The following NCKAP5 variants were observed in gnomAD, a reference collection of about 807,000 sequenced individuals.
NCKAP5 encodes the protein nck-associated protein 5.
NCKAP5 carries 92 observed loss-of-function variants against 167.0 expected under a neutral mutation model. The ratio of observed to expected loss-of-function variants is 0.55; its 90% CI spans 0.47 to 0.66. The LOEUF is 0.66. Ranked by LOEUF, NCKAP5 falls within the 30% of genes least tolerant of loss-of-function variation. NCKAP5 has a pLI of 0.00. For synonymous variants in NCKAP5, 891 were observed against 877.4 expected, an observed-to-expected ratio of 1.02 and a Z score of -0.27; for missense variants, 2,378 against 2,315.0, an observed-to-expected ratio of 1.03 and a Z score of -0.56.
chr2:132,989,426 A>T (rs1200888141), intron 7 of NCKAP5, among the ~76,000 whole-genome samples: 1 of 152,242 alleles, frequency 6.6e-6, no homozygotes, highest in Non-Finnish European at 1.5e-5. Context: ...TGAGCTGGAA[A>T]GACAAAGCAG....
chr2:133,049,005 C>T (rs1267229334), intron 6 of NCKAP5, among the ~76,000 whole-genome samples: 1 of 152,158 alleles, frequency 6.6e-6, no homozygotes, highest in Non-Finnish European at 1.5e-5. Flanking sequence ...ACACTACGAT[C>T]AACCAGAACT....
At chr2:133,361,360 C>T (rs554114614) in intron 3 of NCKAP5, among the ~76,000 whole-genome samples, 1 of 152,160 alleles carries the variant, frequency 6.6e-6, no homozygotes, top group East Asian at 1.9e-4. Context: ...ATTCCTTAAG[C>T]AGAGCTGCAA....
intron 5 of NCKAP5, among the ~76,000 whole-genome samples, chr2:133,199,069 C>T (rs1157302095): frequency 6.6e-6 from 1 of 151,882 alleles, no homozygotes; most frequent in Non-Finnish European, 1.5e-5. Flanking sequence ...AAAAATACAA[C>T]TTAACCCCTA....
At chr2:133,108,600 C>T (rs939327727) in intron 6 of NCKAP5, among the ~76,000 whole-genome samples, 1 of 152,164 alleles carries the variant, frequency 6.6e-6, no homozygotes, top group African/African-American at 2.4e-5. Flanking sequence ...CTTTTAAAAA[C>T]CTTAACTACA....
At chr2:133,195,666 A>G (rs950089319) in intron 5 of NCKAP5, among the ~76,000 whole-genome samples, 1 of 152,198 alleles carries the variant, frequency 6.6e-6, no homozygotes, top group Admixed American at 6.6e-5. Context: ...GAATATCATG[A>G]AAATCAGAAA....
intron 5 of NCKAP5, among the ~76,000 whole-genome samples, chr2:133,162,788 C>T (rs2083850451): frequency 6.6e-6 from 1 of 152,108 alleles, no homozygotes; most frequent in Non-Finnish European, 1.5e-5. Flanking sequence ...CTTTCAAAGC[C>T]ACTTGTGGCT....
intron 5 of NCKAP5, among the ~76,000 whole-genome samples, chr2:133,165,773 T>C (rs10496698): frequency 0.03 from 4,594 of 152,224 alleles, 213 homozygotes; most frequent in African/African-American, 0.1. Context: ...CTGGCTACTA[T>C]TTGGCCCCTT....
Position 132,776,043 on chromosome 2 carries a change from G to A in NCKAP5, c.5050-2149C>T, listed in dbSNP as rs77815287. ...GATAAAGAAAAAGGAGCTTCAGAGA[G>A]GGTTAATAATTTATTCAAAGTCATA... On this transcript the variant is annotated intron_variant, in intron 15 of 19. Coordinates refer to ENST00000409261, the MANE Select transcript of NCKAP5 (RefSeq NM_207363.3). 6.4e-3 allele frequency among the ~76,000 whole-genome samples: 973 copies of A among 152,316 alleles called. 11 individuals are homozygous for A. The highest frequency in any genetic ancestry group is 0.022 in the African/African-American group (933 of 41,560).
chr2:133,064,678 C>G (rs1559103326), intron 6 of NCKAP5, among the ~76,000 whole-genome samples: 1 of 152,072 alleles, frequency 6.6e-6, no homozygotes, highest in South Asian at 2.1e-4. Flanking sequence ...CATCGTTGCT[C>G]TGGGTGGGGA....
the NCKAP5 span, among the ~76,000 whole-genome samples, chr2:133,625,134 T>C: frequency 6.6e-6 from 1 of 152,182 alleles, no homozygotes. Flanking sequence ...TGCATGTGTA[T>C]TGTGAAATAA....
intron 4 of NCKAP5, among the ~76,000 whole-genome samples, chr2:133,282,898 G>A (rs1414036753): frequency 2.0e-5 from 3 of 152,186 alleles, no homozygotes; most frequent in Non-Finnish European, 4.4e-5. Context: ...CAATGAGATT[G>A]CTCTGAATCC....
intron 4 of NCKAP5, among the ~76,000 whole-genome samples, chr2:133,254,930 T>C (rs1425988585): frequency 6.6e-6 from 1 of 152,004 alleles, no homozygotes; most frequent in African/African-American, 2.4e-5. Context: ...AGCAATGCAG[T>C]ACAGTGAAAA....
intron 7 of NCKAP5, among the ~76,000 whole-genome samples, chr2:132,992,986 T>G (rs1229724578): frequency 6.6e-6 from 1 of 152,318 alleles, no homozygotes; most frequent in Middle Eastern, 3.4e-3. Flanking sequence ...GCCAGATTTC[T>G]TAACTTACTT....
intron 19 of NCKAP5, among the ~76,000 whole-genome samples, chr2:132,711,207 G>A (rs1558955014): frequency 6.6e-6 from 1 of 152,190 alleles, no homozygotes; most frequent in Admixed American, 6.5e-5. Context: ...CATCCCATGT[G>A]CTTTCCCTTT....
At chr2:133,187,702 A>C (rs2085008558) in intron 5 of NCKAP5, among the ~76,000 whole-genome samples, 1 of 152,084 alleles carries the variant, frequency 6.6e-6, no homozygotes, top group Non-Finnish European at 1.5e-5. Context: ...ATTTAAATTT[A>C]ATGCCATTTC....
chr2:133,534,262 T>G (rs1685583653), intron 2 of NCKAP5, among the ~76,000 whole-genome samples: 1 of 152,210 alleles, frequency 6.6e-6, no homozygotes, highest in South Asian at 2.1e-4. Flanking sequence ...CTTAAAATAT[T>G]TTGATCAATA....
intron 8 of NCKAP5, among the ~76,000 whole-genome samples, chr2:132,906,317 A>G (rs978706154): frequency 7.2e-5 from 11 of 152,214 alleles, no homozygotes; most frequent in African/African-American, 2.7e-4. Flanking sequence ...CAATTTAACT[A>G]GATGTGGGAC....
At chr2:133,145,979 T>G (rs1574176446) in intron 5 of NCKAP5, among the ~76,000 whole-genome samples, 1 of 152,246 alleles carries the variant, frequency 6.6e-6, no homozygotes, top group South Asian at 2.1e-4. Flanking sequence ...TTAAGCTTTC[T>G]GAGAATAACA....
chr2:133,230,811 A>G (rs1348044190), intron 4 of NCKAP5, among the ~76,000 whole-genome samples: 4 of 152,160 alleles, frequency 2.6e-5, no homozygotes, highest in Admixed American at 2.6e-4. Flanking sequence ...AATTTTAGTG[A>G]GATATTAATA....
Sources: gnomAD v4.1 joint callset for allele counts (sites outside exome capture counted in the v4.1 genomes callset) on GRCh38, gnomAD v4.1.1 for gene constraint, MANE v1.5 for transcripts, NCBI Gene and HGNC (gene_info 2026-07-23, HGNC 2026-07-21) for gene names.